The following SLF1 variants were observed in gnomAD, a reference collection of about 807,000 sequenced individuals.
SLF1 encodes the protein SMC5-SMC6 complex localization factor protein 1.
Under a neutral mutation model 123.0 loss-of-function variants are expected in SLF1, and 105 were observed. The observed-to-expected ratio is 0.85, with a 90% confidence interval of 0.73 to 1.00. The LOEUF is 1.00. SLF1 is among the 50% of genes least tolerant of loss of function. The probability of loss-of-function intolerance (pLI) is 0.00; values close to 1 mark genes in which losing one functional copy is unlikely to be tolerated. For missense variants in SLF1, 1,239 were observed against 1,223.0 expected (o/e 1.01, Z -0.20); for synonymous variants, 434 against 406.6 (o/e 1.07, Z -0.81).
chr5:94,665,715 T>C lies in SLF1; in HGVS notation c.1369-146T>C, dbSNP rs1381291023. On this transcript the variant is annotated intron_variant, in intron 11 of 20. Transcript: ENST00000265140. ...TTGAGGTAAGCCAAGATCGTGCCAC[T>C]GCACTCCAGCCTGGGTGACAGAGCC... 3 of 696,640 alleles carry C rather than the reference T, an allele frequency of 4.3e-6. No individual in the cohort carries two copies. In the East Asian group the frequency reaches 8.9e-5, roughly 21 times the overall value. The allele number at this position is 696,640 out of a possible 1,614,324, so 43.2% of individuals were successfully genotyped here.
Position 94,676,089 on chromosome 5 carries a change from A to G in SLF1, c.1828-2719A>G, listed in dbSNP as rs75151571. Among the ~76,000 whole-genome samples, 354 of 152,218 alleles carry G rather than the reference A, an allele frequency of 2.3e-3. 15 individuals are homozygous for G. The East Asian group carries it at 0.054, about 23-fold the overall frequency. On this transcript the variant is annotated intron_variant, in intron 14 of 20. Coordinates refer to ENST00000265140, the MANE Select transcript of SLF1 (RefSeq NM_032290.4). ...AGATGGAGAATACTTTCAGAAATCA[A>G]AATTTACCAACCTCTTGCTTCTTTC...
Position 94,692,138 on chromosome 5 carries a change from A to C in SLF1, c.2577A>C (p.Glu859Asp). 1 of 1,613,914 alleles carries C rather than the reference A, an allele frequency of 6.2e-7. No homozygotes were observed. Residue 859 changes from glutamate to aspartate, a missense_variant, in exon 20 of 21, where the codon GAA (glutamate) becomes GAC (aspartate). Physicochemically the swap from Glu to Asp is conservative, Grantham distance 45. Coordinates refer to ENST00000265140, the MANE Select transcript of SLF1 (RefSeq NM_032290.4). ...CNYGNTVCVQ[E>D]ILQRCPEVDL... is the part of the protein sequence containing the mutation. ...ATGGCAACACAGTGTGTGTCCAGGA[A>C]ATTTTGCAACGTTGTCCAGAGGTAG... is the stretch of plus-strand genomic sequence containing the variant.
Position 94,662,334 on chromosome 5 carries a change from C to A in SLF1, c.1192C>A (p.Pro398Thr). 23 of 1,549,458 alleles carry A rather than the reference C, an allele frequency of 1.5e-5. No homozygotes were observed. Among genetic ancestry groups the A allele is most frequent in the Non-Finnish European group, 2.0e-5 (23 of 1,145,828 alleles). The stretch of plus-strand genomic sequence containing the variant: ...CAACTGCATTAGAATAGATAAACAA[C>A]CAGTGTACAACGTAGAGGTAAGGGG... ...RYNCIRIDKQ[P>T]VYNVEVKNAE... Residue 398 changes from proline to threonine, a missense_variant, in exon 10 of 21, where the codon CCA becomes ACA. Coordinates refer to ENST00000265140, the MANE Select transcript of SLF1 (RefSeq NM_032290.4).
intron 18 of SLF1, 143 bp from the exon 19 acceptor site, chr5:94,691,421 G>T: frequency 2.5e-6 from 1 of 399,312 alleles, no homozygotes; most frequent in Non-Finnish European, 4.3e-6. Context: ...TTTAAATGCA[G>T]GGGATGTTTA....
intron 15 of SLF1, among the ~76,000 whole-genome samples, chr5:94,679,780 A>C (rs983596086): frequency 6.6e-6 from 1 of 152,272 alleles, no homozygotes; most frequent in East Asian, 1.9e-4. Context: ...AAGGAGTGTT[A>C]TTTAAGAAAC....
At chr5:94,657,261 A>G (rs1432236867) in intron 9 of SLF1, among the ~76,000 whole-genome samples, 1 of 151,840 alleles carries the variant, frequency 6.6e-6, no homozygotes. Context: ...TTTATTTATT[A>G]TAAGAAATGT....
intron 14 of SLF1, among the ~76,000 whole-genome samples, chr5:94,673,007 T>G (rs1025419272): frequency 6.6e-6 from 1 of 152,202 alleles, no homozygotes; most frequent in Non-Finnish European, 1.5e-5. Context: ...TAATCCAATG[T>G]CTATGTTTGG....
chr5:94,691,178 TAA>T (rs374848424), intron 18 of SLF1: 26 of 191,072 alleles, frequency 1.4e-4, no homozygotes, highest in African/African-American at 5.7e-4. Context: ...TGAATAAATT[TAA>T]GAGAGGGCAA....
Position 94,688,652 on chromosome 5 carries a change from AG to A in SLF1, c.2271del (p.Leu758CysfsTer5). On this transcript the variant is annotated frameshift_variant, in exon 17 of 21. Coordinates refer to ENST00000265140, the MANE Select transcript of SLF1 (RefSeq NM_032290.4). LOFTEE classifies it high-confidence loss of function. ...ATGGTACTAAACAAAAACAAGTCGAAGGGCTGCCAGAGTTACTGTAAGTGAT... is the reference window on the plus strand; with the variant it reads ...ATGGTACTAAACAAAAACAAGTCGAAGGCTGCCAGAGTTACTGTAAGTGAT... Reference protein sequence around the residue: ...LNGTKQKQVEGLPELLDLNLA... With the variant: ...LNGTKQKQVEXLPELLDLNLA... The A allele has an allele frequency of 6.2e-7, 1 of 1,614,040 alleles. No individual in the cohort carries two copies. Among genetic ancestry groups the A allele is most frequent in the Non-Finnish European group, 8.5e-7 (1 of 1,179,954 alleles).
In SLF1 at chr5:94,654,759, C is replaced by A; in HGVS notation, c.1155+7C>A. 2 of 1,488,576 alleles carry A rather than the reference C, an allele frequency of 1.3e-6. No homozygotes were observed. Among genetic ancestry groups the A allele is most frequent in the Non-Finnish European group, 1.8e-6 (2 of 1,120,412 alleles). 92.2% of individuals were successfully genotyped at this position (1,488,576 alleles called of 1,614,324 possible). On this transcript the variant is annotated splice_region_variant and intron_variant, in intron 9 of 20. Coordinates refer to ENST00000265140, the MANE Select transcript of SLF1 (RefSeq NM_032290.4). ...GCACATATATAGAGCTCAGGTAAAACTTGGCACATGAAAAATTTTGTATAA... is the reference window on the plus strand; with the variant it reads ...GCACATATATAGAGCTCAGGTAAAAATTGGCACATGAAAAATTTTGTATAA...
intron 9 of SLF1, 96 bp downstream of exon 9, chr5:94,654,848 T>A: frequency 1.1e-6 from 1 of 891,298 alleles, no homozygotes; most frequent in Non-Finnish European, 1.5e-6. Flanking sequence ...TATGATTCAT[T>A]AGTATGTTTA....
At chr5:94,691,483 C>T in intron 18 of SLF1, 81 bp from the exon 19 acceptor site, 1 of 1,016,230 alleles carries the variant, frequency 9.8e-7, no homozygotes, top group Non-Finnish European at 1.4e-6. Flanking sequence ...GGGGCCAGAT[C>T]TCCTAGTTCA....
At chr5:94,679,932 CT>C (rs1273437771) in intron 15 of SLF1, among the ~76,000 whole-genome samples, 1 of 152,052 alleles carries the variant, frequency 6.6e-6, no homozygotes, top group Non-Finnish European at 1.5e-5. Flanking sequence ...CCATCCTTCC[CT>C]TTTTTTCTTT....
chr5:94,647,518 TAGAATA>T (rs1015957775), intron 5 of SLF1, among the ~76,000 whole-genome samples: 3 of 151,848 alleles, frequency 2.0e-5, no homozygotes, highest in African/African-American at 7.3e-5. Context: ...TCCTAGATAA[TAGAATA>T]GGTAGCTGAT....
chr5:94,665,465 G>A lies in SLF1; in HGVS notation c.1369-396G>A, dbSNP rs564919660. On this transcript the variant is annotated intron_variant, in intron 11 of 20. Coordinates refer to ENST00000265140, the MANE Select transcript of SLF1 (RefSeq NM_032290.4). ...TATTTGGCAAGAAACTTAGGCCAGC[G>A]TTAGGCCGGGCGTGGTGGCTCACAC... Among the ~76,000 whole-genome samples, 173 of 151,884 alleles carry A rather than the reference G, an allele frequency of 1.1e-3. 1 individual carries two copies. Among genetic ancestry groups the A allele is most frequent in the Admixed American group, 1.7e-3 (26 of 15,254 alleles).
At chr5:94,654,551 TA>T in intron 8 of SLF1, 78 bp from the exon 9 acceptor site, 3 of 1,168,826 alleles carry the variant, frequency 2.6e-6, no homozygotes, top group Non-Finnish European at 3.4e-6. Flanking sequence ...GTTCCTCTTA[TA>T]TTGTCCTTTG....
In SLF1 at chr5:94,643,396, A is replaced by G; in HGVS notation, c.555A>G (p.Pro185=). 6.5e-7 allele frequency: 1 copy of G among 1,526,828 alleles called. No individual in the cohort carries two copies. The allele number at this position is 1,526,828 out of a possible 1,614,324, so 94.6% of individuals were successfully genotyped here. A position where few individuals can be genotyped will look rare whatever the true frequency, so the allele number is the denominator to read the frequency against. ...AEKEKDNFKA[P]FYPIQYLGDF... is the part of the protein sequence containing the mutation. ...AAGAAAAAGATAACTTTAAGGCTCC[A>G]TTTTATCCAATTCAGTATCTAGGGG... The change falls in exon 5 of 21, where the codon CCA becomes CCG. Residue 185 remains proline (P), a synonymous_variant. Transcript: ENST00000265140.
chr5:94,625,656 T>C (rs1792171537), intron 1 of SLF1, among the ~76,000 whole-genome samples: 1 of 152,108 alleles, frequency 6.6e-6, no homozygotes, highest in Non-Finnish European at 1.5e-5. Context: ...GTGCTGGGAT[T>C]ACAGGCGTGA....
At chr5:94,635,321 G>A (rs1262994699) in intron 4 of SLF1, among the ~76,000 whole-genome samples, 1 of 145,694 alleles carries the variant, frequency 6.9e-6, no homozygotes, top group Non-Finnish European at 1.5e-5. Flanking sequence ...GTCTCCCGTA[G>A]GCAGTACATA....
Sources: allele counts gnomAD v4.1 joint callset (sites outside exome capture counted in the v4.1 genomes callset), GRCh38; gene constraint gnomAD v4.1.1; transcripts MANE v1.5; gene names NCBI Gene and HGNC (gene_info 2026-07-23, HGNC 2026-07-21).